Variants in ATXN7L3B observed in about 807,000 individuals in gnomAD.
ATXN7L3B encodes the protein ataxin 7 like 3B, also known as ataxin-7-like protein 3B.
In ATXN7L3B, 4 loss-of-function variants were observed where a neutral mutation model predicts 6.3. The observed-to-expected ratio is 0.63, with a 90% confidence interval of 0.31 to 1.45. ATXN7L3B has a LOEUF of 1.45. Ranked by LOEUF, ATXN7L3B falls within the 40% of genes most tolerant of loss-of-function variation. ATXN7L3B has a pLI of 0.07. For missense variants in ATXN7L3B, 120 were observed against 118.5 expected (o/e 1.01, Z -0.06); for synonymous variants, 63 against 48.0 (o/e 1.31, Z -1.29).
rs768585533 is a variant in ATXN7L3B, at chr12:74,538,091, C to G, written c.-22C>G. 6.5e-7 allele frequency: 1 copy of G among 1,548,032 alleles called. No individual in the cohort carries two copies. Among genetic ancestry groups the G allele is most frequent in the Admixed American group, 2.0e-5 (1 of 50,900 alleles). ...GCCGTGAGTAAAACGAGCGCCCTCTCCGCACTCGTTTACAAATTAAAATGG... is the reference window on the plus strand; with the variant it reads ...GCCGTGAGTAAAACGAGCGCCCTCTGCGCACTCGTTTACAAATTAAAATGG... On this transcript the variant is annotated 5_prime_UTR_variant, in exon 1 of 1. Coordinates refer to ENST00000519948, the MANE Select transcript of ATXN7L3B (RefSeq NM_001136262.2).
rs1471965360 is a variant in ATXN7L3B, at chr12:74,538,477, T to TAAGTAGAAAA, written c.*83_*92dup. On this transcript the variant is annotated 3_prime_UTR_variant, in exon 1 of 1. Transcript: ENST00000519948. ...GGTCCTGTGGCTTCGAGGAGTAAGC[T>TAAGTAGAAAA]AAGTAGAAAAAAGTAGAAAAATCAG... 22 of 1,372,212 alleles carry TAAGTAGAAAA rather than the reference T, an allele frequency of 1.6e-5. 2 individuals are homozygous for TAAGTAGAAAA. In the South Asian group the frequency reaches 3.2e-4, roughly 20 times the overall value. The allele number at this position is 1,372,212 out of a possible 1,614,324, so 85.0% of individuals were successfully genotyped here. A position where few individuals can be genotyped will look rare whatever the true frequency, so the allele number is the denominator to read the frequency against.
At position 74,538,746 on chromosome 12, in the gene ATXN7L3B, G is replaced by C; in HGVS notation, c.*340G>C. ...GTGTGCCCAGCATATAAAATTTTTG[G>C]TTCCTCAGCCTTTCTGTCTGCCTGA... On this transcript the variant is annotated 3_prime_UTR_variant, in exon 1 of 1. Coordinates refer to ENST00000519948, the MANE Select transcript of ATXN7L3B (RefSeq NM_001136262.2). 2 of 262,734 alleles carry C rather than the reference G, an allele frequency of 7.6e-6. No homozygotes were observed. Among genetic ancestry groups the C allele is most frequent in the South Asian group, 1.2e-4 (2 of 16,840 alleles). 16.3% of individuals were successfully genotyped at this position (262,734 alleles called of 1,614,324 possible). A position where few individuals can be genotyped will look rare whatever the true frequency, so the allele number is the denominator to read the frequency against.
chr12:74,545,062 A>G lies in ATXN7L3B; in HGVS notation c.*6656A>G, dbSNP rs377729784. The G allele has an allele frequency of 8.6e-5, 13 of 152,010 alleles. No individual in the cohort carries two copies. The highest frequency in any genetic ancestry group is 3.9e-4 in the Admixed American group (6 of 15,260). The allele number at this position is 152,010 out of a possible 1,614,324, so 9.4% of individuals were successfully genotyped here. A position where few individuals can be genotyped will look rare whatever the true frequency, so the allele number is the denominator to read the frequency against. On this transcript the variant is annotated 3_prime_UTR_variant, in exon 1 of 1. Coordinates refer to ENST00000519948, the MANE Select transcript of ATXN7L3B (RefSeq NM_001136262.2). The stretch of plus-strand genomic sequence containing the variant: ...ATTTTTTTAAATGGTGATGACATCA[A>G]CTCTGAAAGGCATATGGAGCAATTA...
In ATXN7L3B at chr12:74,543,575, A is replaced by C. The variant is rs1251216140; in HGVS notation, c.*5169A>C. 2 of 152,056 alleles carry C rather than the reference A, an allele frequency of 1.3e-5. No individual in the cohort carries two copies. Among genetic ancestry groups the C allele is most frequent in the Admixed American group, 1.3e-4 (2 of 15,280 alleles). The allele number at this position is 152,056 out of a possible 1,614,324, so 9.4% of individuals were successfully genotyped here. ...AGTAAATGAAACAACAACAACAAAA[A>C]CAGGCAAAATAATACCAAAATAGAT... On this transcript the variant is annotated 3_prime_UTR_variant, in exon 1 of 1. Coordinates refer to ENST00000519948, the MANE Select transcript of ATXN7L3B (RefSeq NM_001136262.2).
In ATXN7L3B at chr12:74,540,073, G is replaced by GT. The variant is rs58069390; in HGVS notation, c.*1679dup. 31,153 of 155,926 alleles carry GT rather than the reference G, an allele frequency of 0.2. 4,405 individuals are homozygous for GT. The highest frequency in any genetic ancestry group is 0.42 in the African/African-American group (16,662 of 40,142). The allele number at this position is 155,926 out of a possible 1,614,324, so 9.7% of individuals were successfully genotyped here. A position where few individuals can be genotyped will look rare whatever the true frequency, so the allele number is the denominator to read the frequency against. Reference sequence around the variant, plus strand: ...CCCAATTTCTTTTTTCTTGGCCTCTGTTTTTTTTTTTTCTTTCTTTTTCCC... The same window carrying GT: ...CCCAATTTCTTTTTTCTTGGCCTCTGTTTTTTTTTTTTTCTTTCTTTTTCCC... On this transcript the variant is annotated 3_prime_UTR_variant, in exon 1 of 1. Transcript: ENST00000519948.
Position 74,538,457 on chromosome 12 carries a change from T to C in ATXN7L3B, c.*51T>C. 1 of 1,477,798 alleles carries C rather than the reference T, an allele frequency of 6.8e-7. No homozygotes were observed. The highest frequency in any genetic ancestry group is 2.5e-5 in the East Asian group (1 of 40,296). 91.5% of individuals were successfully genotyped at this position (1,477,798 alleles called of 1,614,324 possible). A position where few individuals can be genotyped will look rare whatever the true frequency, so the allele number is the denominator to read the frequency against. On this transcript the variant is annotated 3_prime_UTR_variant, in exon 1 of 1. Transcript: ENST00000519948. Reference sequence around the variant, plus strand: ...CCAGGACAATAACATAGACTGGTCCTGTGGCTTCGAGGAGTAAGCTAAGTA... The same window carrying C: ...CCAGGACAATAACATAGACTGGTCCCGTGGCTTCGAGGAGTAAGCTAAGTA...
rs1283413294 is a variant in ATXN7L3B at position 74,540,114 on chromosome 12, A to G, written c.*1708A>G. 1.2e-5 allele frequency: 2 copies of G among 164,382 alleles called. No individual in the cohort carries two copies. 10.2% of individuals were successfully genotyped at this position (164,382 alleles called of 1,614,324 possible). ...TCTTTTTCCCTTGTTTTTGTAGAAG[A>G]CTCAGAGGAGAATCTTTCTTATGGC... On this transcript the variant is annotated 3_prime_UTR_variant, in exon 1 of 1. Transcript: ENST00000519948.
In ATXN7L3B at chr12:74,537,913, A is replaced by T. The variant is rs1868760491; in HGVS notation, c.-200A>T. 1 of 592,198 alleles carries T rather than the reference A, an allele frequency of 1.7e-6. No homozygotes were observed. Among genetic ancestry groups the T allele is most frequent in the African/African-American group, 1.9e-5 (1 of 53,630 alleles). The allele number at this position is 592,198 out of a possible 1,614,324, so 36.7% of individuals were successfully genotyped here. A position where few individuals can be genotyped will look rare whatever the true frequency, so the allele number is the denominator to read the frequency against. ...CAGCTGAAAGGCCCGCAACCCGGGAAACGTCAAAACAAACAGAAGGACTTG... is the reference window on the plus strand; with the variant it reads ...CAGCTGAAAGGCCCGCAACCCGGGATACGTCAAAACAAACAGAAGGACTTG... On this transcript the variant is annotated 5_prime_UTR_variant, in exon 1 of 1. Transcript: ENST00000519948.
rs994802417 is a variant in ATXN7L3B at position 74,543,991 on chromosome 12, T to G, written c.*5585T>G. On this transcript the variant is annotated 3_prime_UTR_variant, in exon 1 of 1. Transcript: ENST00000519948. Reference sequence around the variant, plus strand: ...TATTTACATGAACAATTTTATAGAATCTAGAAACAGTTGTTCTCAGATGAC... The same window carrying G: ...TATTTACATGAACAATTTTATAGAAGCTAGAAACAGTTGTTCTCAGATGAC... 29 of 152,032 alleles carry G rather than the reference T, an allele frequency of 1.9e-4. No homozygotes were observed. The highest frequency in any genetic ancestry group is 6.3e-4 in the African/African-American group (26 of 41,454). The allele number at this position is 152,032 out of a possible 1,614,324, so 9.4% of individuals were successfully genotyped here.
chr12:74,538,578 A>T lies in ATXN7L3B; in HGVS notation c.*172A>T, dbSNP rs183080465. 738 of 684,124 alleles carry T rather than the reference A, an allele frequency of 1.1e-3. 1 individual carries two copies. The highest frequency in any genetic ancestry group is 1.5e-3 in the Non-Finnish European group (613 of 403,278). 42.4% of individuals were successfully genotyped at this position (684,124 alleles called of 1,614,324 possible). A position where few individuals can be genotyped will look rare whatever the true frequency, so the allele number is the denominator to read the frequency against. ...TGGATAATTTAGGAATCCTTTTTTT[A>T]AAGTGTATTACCTGGAGCAAGCTCT... On this transcript the variant is annotated 3_prime_UTR_variant, in exon 1 of 1. Coordinates refer to ENST00000519948, the MANE Select transcript of ATXN7L3B (RefSeq NM_001136262.2).
Position 74,538,092 on chromosome 12 carries a change from C to T in ATXN7L3B, c.-21C>T, listed in dbSNP as rs1868767336. 3 of 1,548,102 alleles carry T rather than the reference C, an allele frequency of 1.9e-6. No individual in the cohort carries two copies. The highest frequency in any genetic ancestry group is 2.6e-6 in the Non-Finnish European group (3 of 1,144,138). On this transcript the variant is annotated 5_prime_UTR_variant, in exon 1 of 1. Transcript: ENST00000519948. Reference sequence around the variant, plus strand: ...CCGTGAGTAAAACGAGCGCCCTCTCCGCACTCGTTTACAAATTAAAATGGA... The same window carrying T: ...CCGTGAGTAAAACGAGCGCCCTCTCTGCACTCGTTTACAAATTAAAATGGA...
rs1413832750 is a variant in ATXN7L3B, at chr12:74,539,342, C to A, written c.*936C>A. On this transcript the variant is annotated 3_prime_UTR_variant, in exon 1 of 1. Coordinates refer to ENST00000519948, the MANE Select transcript of ATXN7L3B (RefSeq NM_001136262.2). ...CATGGGTGTGACTTGGTCCTTAAGT[C>A]AGGTCACTATCTGCCTCCCACCCTG... 1.2e-5 allele frequency: 2 copies of A among 167,124 alleles called. No individual in the cohort carries two copies. The highest frequency in any genetic ancestry group is 6.5e-5 in the Admixed American group (1 of 15,282). The allele number at this position is 167,124 out of a possible 1,614,324, so 10.4% of individuals were successfully genotyped here. A position where few individuals can be genotyped will look rare whatever the true frequency, so the allele number is the denominator to read the frequency against.
Position 74,538,087 on chromosome 12 carries a change from C to T in ATXN7L3B, c.-26C>T, listed in dbSNP as rs570274148. On this transcript the variant is annotated 5_prime_UTR_variant, in exon 1 of 1. Transcript: ENST00000519948. ...TGCTGCCGTGAGTAAAACGAGCGCC[C>T]TCTCCGCACTCGTTTACAAATTAAA... 1.2e-4 allele frequency: 192 copies of T among 1,545,602 alleles called. No homozygotes were observed. The Middle Eastern group carries it at 1.5e-3, about 12-fold the overall frequency.
In ATXN7L3B at chr12:74,543,791, C is replaced by T. The variant is rs1868955744; in HGVS notation, c.*5385C>T. ...TGAAAAAATTCAATACGAATTATTG[C>T]CTAAAAAACAAAGACATTAACAATA... On this transcript the variant is annotated 3_prime_UTR_variant, in exon 1 of 1. Transcript: ENST00000519948. 1 of 151,636 alleles carries T rather than the reference C, an allele frequency of 6.6e-6. No homozygotes were observed. The highest frequency in any genetic ancestry group is 2.4e-5 in the African/African-American group (1 of 41,330). The allele number at this position is 151,636 out of a possible 1,614,324, so 9.4% of individuals were successfully genotyped here.
rs919672683 is a variant in ATXN7L3B at position 74,539,507 on chromosome 12, T to A, written c.*1101T>A. 2.4e-5 allele frequency: 4 copies of A among 167,196 alleles called. No individual in the cohort carries two copies. Among genetic ancestry groups the A allele is most frequent in the Non-Finnish European group, 5.9e-5 (4 of 68,200 alleles). 10.4% of individuals were successfully genotyped at this position (167,196 alleles called of 1,614,324 possible). The stretch of plus-strand genomic sequence containing the variant: ...GGAGCCAAGGAGCAGGACTGGATTA[T>A]CTCATCTGACTGTGTGCAGAATCCT... On this transcript the variant is annotated 3_prime_UTR_variant, in exon 1 of 1. Transcript: ENST00000519948.
At position 74,542,973 on chromosome 12, in the gene ATXN7L3B, G is replaced by C. The variant is rs1014803307; in HGVS notation, c.*4567G>C. ...TCAGAAGTTTTACTCTGCTGTGAAG[G>C]ATTACGAGCTCTCTGATTTTCATTT... On this transcript the variant is annotated 3_prime_UTR_variant, in exon 1 of 1. Transcript: ENST00000519948. 1 of 152,258 alleles carries C rather than the reference G, an allele frequency of 6.6e-6. No homozygotes were observed. The highest frequency in any genetic ancestry group is 1.9e-4 in the East Asian group (1 of 5,184). 9.4% of individuals were successfully genotyped at this position (152,258 alleles called of 1,614,324 possible). A position where few individuals can be genotyped will look rare whatever the true frequency, so the allele number is the denominator to read the frequency against.
chr12:74,537,866 G>C lies in ATXN7L3B; in HGVS notation c.-247G>C. 1 of 503,970 alleles carries C rather than the reference G, an allele frequency of 2.0e-6. No homozygotes were observed. Among genetic ancestry groups the C allele is most frequent in the Non-Finnish European group, 3.6e-6 (1 of 281,678 alleles). 31.2% of individuals were successfully genotyped at this position (503,970 alleles called of 1,614,324 possible). ...CTGGGTGAGGCGCTGAGACGGTTTG[G>C]CGGTGAGTCCTGGGCCAGGCGCAGC... On this transcript the variant is annotated 5_prime_UTR_variant, in exon 1 of 1. Transcript: ENST00000519948.
Position 74,539,501 on chromosome 12 carries a change from G to A in ATXN7L3B, c.*1095G>A, listed in dbSNP as rs1489910040. 6.0e-6 allele frequency: 1 copy of A among 167,170 alleles called. No homozygotes were observed. Among genetic ancestry groups the A allele is most frequent in the East Asian group, 1.9e-4 (1 of 5,174 alleles). 10.4% of individuals were successfully genotyped at this position (167,170 alleles called of 1,614,324 possible). A position where few individuals can be genotyped will look rare whatever the true frequency, so the allele number is the denominator to read the frequency against. On this transcript the variant is annotated 3_prime_UTR_variant, in exon 1 of 1. Transcript: ENST00000519948. The stretch of plus-strand genomic sequence containing the variant: ...GTGCTAGGAGCCAAGGAGCAGGACT[G>A]GATTATCTCATCTGACTGTGTGCAG...
At position 74,537,981 on chromosome 12, in the gene ATXN7L3B, G is replaced by T. The variant is rs1339826577; in HGVS notation, c.-132G>T. On this transcript the variant is annotated 5_prime_UTR_variant, in exon 1 of 1. Transcript: ENST00000519948. ...CCCCTATCGCTGCTCCTGCAGTTGCGGACGCCACCGACCCCGCCGCCGGAG... is the reference window on the plus strand; with the variant it reads ...CCCCTATCGCTGCTCCTGCAGTTGCTGACGCCACCGACCCCGCCGCCGGAG... 7.9e-6 allele frequency: 6 copies of T among 756,136 alleles called. No individual in the cohort carries two copies. Among genetic ancestry groups the T allele is most frequent in the Admixed American group, 5.8e-5 (2 of 34,728 alleles). The allele number at this position is 756,136 out of a possible 1,614,324, so 46.8% of individuals were successfully genotyped here.
Sources: allele counts gnomAD v4.1 joint callset, GRCh38; gene constraint gnomAD v4.1.1; transcripts MANE v1.5; gene names NCBI Gene and HGNC (gene_info 2026-07-23, HGNC 2026-07-21).